PRKN: variants seen among roughly 807,000 people sequenced by gnomAD.
PRKN encodes the protein E3 ubiquitin-protein ligase parkin.
PRKN carries 56 observed loss-of-function variants against 59.5 expected under a neutral mutation model. The ratio of observed to expected loss-of-function variants is 0.94; its 90% confidence interval spans 0.76 to 1.18. PRKN has a LOEUF of 1.18. Among genes scored for constraint, PRKN ranks in the 50% most tolerant of loss-of-function variants. PRKN has a pLI of 0.00. For synonymous variants in PRKN, 250 were observed against 222.1 expected, an observed-to-expected ratio of 1.13 and a Z score of -1.12; for missense variants, 657 against 596.4, an observed-to-expected ratio of 1.10 and a Z score of -1.06.
Position 161,361,283 on chromosome 6 carries a change from TG to T in PRKN, c.1168-1079del, listed in dbSNP as rs1168880786. ...AGTATTATGAGGAAAATAACTGTAC[TG>T]CATTTAATAGTTTCTTTAGGAATTA... is the stretch of plus-strand genomic sequence containing the variant. On this transcript the variant is annotated intron_variant, in intron 10 of 11. Coordinates refer to ENST00000366898, the MANE Select transcript of PRKN (RefSeq NM_004562.3). This position sits in a 1 kb window ranked among gnomAD's most constrained non-coding sequence, Gnocchi z 5.2. 6.6e-5 allele frequency among the ~76,000 whole-genome samples: 10 copies of T among 152,242 alleles called. No individual in the cohort carries two copies. The highest frequency in any genetic ancestry group is 1.0e-4 in the Non-Finnish European group (7 of 68,046).
intron 1 of PRKN, chr6:162,727,330 G>GCGGGGCGCAGGTGAGGGGCGGCGC: frequency 2.6e-6 from 1 of 379,024 alleles, no homozygotes; most frequent in East Asian, 5.0e-5. Context: ...AGGGGCGGCG[G>GCGGGGCGCAGGTGAGGGGCGGCGC]CGGGGAGAAG....
chr6:161,511,421 T>G (rs1778387537), intron 9 of PRKN, among the ~76,000 whole-genome samples: 1 of 152,222 alleles, frequency 6.6e-6, no homozygotes, highest in Admixed American at 6.5e-5. Flanking sequence ...AAGACTGTGA[T>G]GTCAACTGGA....
intron 7 of PRKN, among the ~76,000 whole-genome samples, chr6:161,640,385 A>G (rs987512070): frequency 1.3e-5 from 2 of 152,174 alleles, no homozygotes; most frequent in African/African-American, 2.4e-5. Context: ...GTGGTCTGGA[A>G]GGCACTCACT....
At position 161,457,863 on chromosome 6, in the gene PRKN, T is replaced by G. The variant is rs960816685; in HGVS notation, c.1084-70986A>C. 1.3e-5 allele frequency among the ~76,000 whole-genome samples: 2 copies of G among 152,372 alleles called. No individual in the cohort carries two copies. Among genetic ancestry groups the G allele is most frequent in the East Asian group, 3.9e-4 (2 of 5,182 alleles). On this transcript the variant is annotated intron_variant, in intron 9 of 11. Transcript: ENST00000366898. The surrounding 1 kb of genome is among the most constrained non-coding windows in gnomAD (Gnocchi z 5.0). ...CATGTAAGTTAAAGAAATAGTGGCC[T>G]TCTTTTGTCTTTCCTTTGTAGTTTT...
intron 2 of PRKN, among the ~76,000 whole-genome samples, chr6:162,326,437 C>G (rs1288238582): frequency 1.3e-5 from 2 of 152,028 alleles, no homozygotes; most frequent in Non-Finnish European, 2.9e-5. Context: ...AGTTTTAAAC[C>G]TCTTTAATAT....
At chr6:162,479,848 C>T (rs549151139) in intron 1 of PRKN, among the ~76,000 whole-genome samples, 15 of 151,496 alleles carry the variant, frequency 9.9e-5, no homozygotes, top group African/African-American at 3.4e-4. Flanking sequence ...AGGCAGATCA[C>T]GAGGTCAAGA....
chr6:161,750,217 A>G (rs112622383), intron 7 of PRKN, among the ~76,000 whole-genome samples: 5 of 152,154 alleles, frequency 3.3e-5, no homozygotes, highest in African/African-American at 9.6e-5. Flanking sequence ...TTCTTTTTAC[A>G]TAGATATGTT....
rs570032413 is a variant in PRKN, at chr6:161,371,325, C to T, written c.1168-11120G>A. Among the ~76,000 whole-genome samples, 58 of 151,838 alleles carry T rather than the reference C, an allele frequency of 3.8e-4. No individual in the cohort carries two copies. Among genetic ancestry groups the T allele is most frequent in the Middle Eastern group, 3.4e-3 (1 of 292 alleles). ...GGTTACAGGTGCCTGCTACCACACC[C>T]GGCTACTTGGGAGGCTGAGGGAGGA... On this transcript the variant is annotated intron_variant, in intron 10 of 11. Coordinates refer to ENST00000366898, the MANE Select transcript of PRKN (RefSeq NM_004562.3). This position sits in a 1 kb window ranked among gnomAD's most constrained non-coding sequence, Gnocchi z 5.5.
chr6:162,160,885 CG>C (rs1194345649), intron 4 of PRKN, among the ~76,000 whole-genome samples: 1 of 107,200 alleles, frequency 9.3e-6, no homozygotes, highest in Admixed American at 9.6e-5. Context: ...AGAGAGACTC[CG>C]TCTCAAAAAA....
intron 6 of PRKN, among the ~76,000 whole-genome samples, chr6:161,956,149 TGAA>T (rs558907916): frequency 3.8e-4 from 58 of 152,320 alleles, no homozygotes; most frequent in Non-Finnish European, 7.2e-4. Flanking sequence ...CACAACCTTT[TGAA>T]GAAGTTGAGA....
At chr6:162,481,379 T>C (rs1792304602) in intron 1 of PRKN, among the ~76,000 whole-genome samples, 1 of 152,202 alleles carries the variant, frequency 6.6e-6, no homozygotes, top group Admixed American at 6.5e-5. Context: ...CTGAAACTGG[T>C]TGCTGATACA....
At chr6:161,449,051 G>C (rs1208576924) in intron 9 of PRKN, among the ~76,000 whole-genome samples, 1 of 152,146 alleles carries the variant, frequency 6.6e-6, no homozygotes, top group Non-Finnish European at 1.5e-5. Flanking sequence ...ATCAGGGCTC[G>C]GGTAAGAACA....
At chr6:161,432,630 C>A (rs767332503) in intron 9 of PRKN, among the ~76,000 whole-genome samples, 1 of 151,240 alleles carries the variant, frequency 6.6e-6, no homozygotes, top group Non-Finnish European at 1.5e-5. Flanking sequence ...AATCTGCCCA[C>A]CTCGGCCTCC....
chr6:162,326,313 A>G (rs1044738658), intron 2 of PRKN, among the ~76,000 whole-genome samples: 4 of 152,188 alleles, frequency 2.6e-5, no homozygotes, highest in African/African-American at 9.7e-5. Flanking sequence ...TAAGTCATGC[A>G]GCATTTTAAT....
intron 1 of PRKN, among the ~76,000 whole-genome samples, chr6:162,704,731 ACTT>A (rs1778277939): frequency 1.3e-5 from 2 of 152,192 alleles, no homozygotes; most frequent in African/African-American, 2.4e-5. Context: ...GATGAAAACT[ACTT>A]CTTAAGGAAT....
At chr6:162,565,907 A>C (rs935594017) in intron 1 of PRKN, among the ~76,000 whole-genome samples, 1 of 152,180 alleles carries the variant, frequency 6.6e-6, no homozygotes, top group African/African-American at 2.4e-5. Flanking sequence ...ATGCTAATGG[A>C]AAACAAAAAA....
chr6:162,225,120 A>G (rs1778110832), intron 3 of PRKN, among the ~76,000 whole-genome samples: 1 of 152,226 alleles, frequency 6.6e-6, no homozygotes. Context: ...AGACAGCAAC[A>G]CGTGGTGAGA....
At position 161,552,586 on chromosome 6, in the gene PRKN, A is replaced by C. The variant is rs7746827; in HGVS notation, c.934-3583T>G. ...AATCCTTCCACATTGAAAAAAAACA[A>C]AAACAAAAAACAAAAAACAAAAAAC... On this transcript the variant is annotated intron_variant, in intron 8 of 11. Coordinates refer to ENST00000366898, the MANE Select transcript of PRKN (RefSeq NM_004562.3). This position sits in a 1 kb window ranked among gnomAD's most constrained non-coding sequence, Gnocchi z 4.9. 0.46 allele frequency among the ~76,000 whole-genome samples: 66,296 copies of C among 142,810 alleles called. 15,907 individuals carry two copies. The highest frequency in any genetic ancestry group is 0.64 in the East Asian group (3,031 of 4,754). The allele number at this position is 142,810 out of a possible 152,430, so 93.7% of individuals were successfully genotyped here.
intron 6 of PRKN, among the ~76,000 whole-genome samples, chr6:161,822,789 T>C (rs1410562459): frequency 6.6e-6 from 1 of 152,194 alleles, no homozygotes; most frequent in Non-Finnish European, 1.5e-5. Flanking sequence ...CTGGACATTG[T>C]TTATGTGAGA....
Sources: allele counts gnomAD v4.1 joint callset (sites outside exome capture counted in the v4.1 genomes callset), GRCh38; gene constraint gnomAD v4.1.1; non-coding constraint Gnocchi (gnomAD v3.1); transcripts MANE v1.5; gene names NCBI Gene and HGNC (gene_info 2026-07-23, HGNC 2026-07-21).